The following PCSK5 variants were observed in gnomAD, a reference collection of about 807,000 sequenced individuals.
PCSK5 encodes the protein proprotein convertase subtilisin/kexin type 5, also known as prohormone convertase 5.
A neutral mutation model predicts 233.2 loss-of-function variants in PCSK5; 129 were observed. The observed-to-expected ratio is 0.55, with a 90% CI of 0.48 to 0.64. The LOEUF is 0.64. PCSK5 is among the 30% of genes least tolerant of loss of function. PCSK5 has a pLI of 0.00. For synonymous variants in PCSK5, 825 were observed against 879.2 expected, an observed-to-expected ratio of 0.94 and a Z score of 1.09; for missense variants, 2,076 against 2,430.1, an observed-to-expected ratio of 0.85 and a Z score of 3.06.
intron 9 of PCSK5, among the ~76,000 whole-genome samples, chr9:76,125,748 T>C (rs1355248559): frequency 6.6e-6 from 1 of 152,284 alleles, no homozygotes; most frequent in East Asian, 1.9e-4. Flanking sequence ...GACTCAAGGC[T>C]ACCAAGCTCA....
At chr9:76,356,398 A>G (rs1830304694) in intron 37 of PCSK5, among the ~76,000 whole-genome samples, 1 of 152,192 alleles carries the variant, frequency 6.6e-6, no homozygotes, top group Non-Finnish European at 1.5e-5. Flanking sequence ...ACAAAGGCTA[A>G]CCCTGACTCT....
chr9:76,009,148 G>A (rs2792221), intron 3 of PCSK5, among the ~76,000 whole-genome samples: 8 of 151,950 alleles, frequency 5.3e-5, no homozygotes, highest in African/African-American at 1.7e-4. Flanking sequence ...AAAAGCATGC[G>A]CAAAATATTT....
At chr9:76,129,799 G>A (rs1822683240) in intron 9 of PCSK5, among the ~76,000 whole-genome samples, 1 of 152,112 alleles carries the variant, frequency 6.6e-6, no homozygotes, top group Admixed American at 6.6e-5. Context: ...CTTAGGAGAT[G>A]TCCTGCTTCT....
At chr9:75,995,914 T>C (rs973365976) in intron 3 of PCSK5, among the ~76,000 whole-genome samples, 1 of 152,206 alleles carries the variant, frequency 6.6e-6, no homozygotes, top group Non-Finnish European at 1.5e-5. Context: ...GTAGTAATCA[T>C]AATTTTCTGT....
chr9:76,207,586 C>A (rs928117217), intron 20 of PCSK5, among the ~76,000 whole-genome samples: 3 of 152,216 alleles, frequency 2.0e-5, no homozygotes, highest in Non-Finnish European at 4.4e-5. Context: ...TAATAGAATA[C>A]ATTTCCTCCC....
intron 2 of PCSK5, among the ~76,000 whole-genome samples, chr9:75,943,731 C>G (rs1824428321): frequency 6.6e-6 from 1 of 152,122 alleles, no homozygotes; most frequent in African/African-American, 2.4e-5. Context: ...TAGAGAAGTA[C>G]ACAGTGTAAT....
chr9:76,207,053 G>T (rs1045990370), intron 20 of PCSK5, among the ~76,000 whole-genome samples: 1 of 151,932 alleles, frequency 6.6e-6, no homozygotes, highest in Admixed American at 6.6e-5. Context: ...CAGTAGCCTC[G>T]TTAAATCTCT....
intron 25 of PCSK5, among the ~76,000 whole-genome samples, chr9:76,294,205 A>C (rs904920951): frequency 6.6e-6 from 1 of 152,048 alleles, no homozygotes; most frequent in East Asian, 1.9e-4. Context: ...AAAAAAAAAA[A>C]AAAAAACAGT....
intron 3 of PCSK5, among the ~76,000 whole-genome samples, chr9:76,016,324 G>A (rs1034991356): frequency 6.6e-6 from 1 of 152,216 alleles, no homozygotes; most frequent in Non-Finnish European, 1.5e-5. Context: ...ATGGACTAGA[G>A]TTCAAGGACC....
At chr9:75,947,674 G>A (rs1824637300) in intron 2 of PCSK5, among the ~76,000 whole-genome samples, 1 of 152,130 alleles carries the variant, frequency 6.6e-6, no homozygotes, top group African/African-American at 2.4e-5. Context: ...CTTACTCCTG[G>A]CAGTCATGGG....
chr9:76,332,021 C>G (rs747789179), intron 33 of PCSK5, among the ~76,000 whole-genome samples: 2 of 152,186 alleles, frequency 1.3e-5, no homozygotes, highest in African/African-American at 2.4e-5. Flanking sequence ...GGGGCTTCCC[C>G]CTAGTTAACC....
At chr9:75,970,276 T>C (rs1350357058) in intron 2 of PCSK5, among the ~76,000 whole-genome samples, 1 of 152,240 alleles carries the variant, frequency 6.6e-6, no homozygotes, top group African/African-American at 2.4e-5. Flanking sequence ...GCTGGGTAAC[T>C]AAGGCTTTTG....
Position 76,251,990 on chromosome 9 carries a change from G to A in PCSK5, c.3142+11306G>A, listed in dbSNP as rs147308468. 2.3e-3 allele frequency among the ~76,000 whole-genome samples: 347 copies of A among 151,004 alleles called. 8 individuals are homozygous for A. Among genetic ancestry groups the A allele is most frequent in the African/African-American group, 7.7e-3 (313 of 40,406 alleles). Reference sequence around the variant, plus strand: ...CAATTATAAAAAGATAAAAGAGGCCGGGCGTGGTGGCTCACACCTGTAATC... The same window carrying A: ...CAATTATAAAAAGATAAAAGAGGCCAGGCGTGGTGGCTCACACCTGTAATC... On this transcript the variant is annotated intron_variant, in intron 24 of 37. Coordinates refer to ENST00000674117, the MANE Select transcript of PCSK5 (RefSeq NM_001372043.1).
At chr9:76,159,912 T>G (rs1226704075) in intron 12 of PCSK5, among the ~76,000 whole-genome samples, 2 of 137,912 alleles carry the variant, frequency 1.5e-5, no homozygotes, top group Non-Finnish European at 3.1e-5. Flanking sequence ...AGTCATCGCC[T>G]CCCAGGTTCA....
intron 24 of PCSK5, among the ~76,000 whole-genome samples, chr9:76,289,338 A>C (rs943801694): frequency 3.9e-5 from 6 of 151,996 alleles, no homozygotes; most frequent in Admixed American, 6.6e-5. Flanking sequence ...TCTCCCCAAA[A>C]TATGCTCTCT....
At chr9:76,233,402 C>A in intron 21 of PCSK5, 58 bp from the exon 22 acceptor site, 3 of 1,575,274 alleles carry the variant, frequency 1.9e-6, no homozygotes, top group Non-Finnish European at 2.6e-6. Context: ...TGTTCTGATA[C>A]TTAGGGCCAC....
chr9:76,106,046 A>C (rs983475258), intron 8 of PCSK5, among the ~76,000 whole-genome samples: 7 of 152,176 alleles, frequency 4.6e-5, no homozygotes, highest in African/African-American at 1.7e-4. Context: ...TTCCAAACCA[A>C]ATTTAACTAA....
intron 25 of PCSK5, among the ~76,000 whole-genome samples, chr9:76,292,610 G>C (rs1828312124): frequency 6.6e-6 from 1 of 152,186 alleles, no homozygotes; most frequent in Non-Finnish European, 1.5e-5. Flanking sequence ...GCAAACGTCT[G>C]CATGGATACT....
At chr9:75,971,009 G>A (rs145721673) in intron 2 of PCSK5, among the ~76,000 whole-genome samples, 1 of 151,940 alleles carries the variant, frequency 6.6e-6, no homozygotes, top group Non-Finnish European at 1.5e-5. Context: ...GTGGTTTGCT[G>A]CACCTATCAA....
Sources: gnomAD v4.1 joint callset for allele counts (sites outside exome capture counted in the v4.1 genomes callset) on GRCh38, gnomAD v4.1.1 for gene constraint, MANE v1.5 for transcripts, NCBI Gene and HGNC (gene_info 2026-07-23, HGNC 2026-07-21) for gene names.